Variants in FBXL17 observed in about 807,000 individuals in gnomAD.
The protein encoded by FBXL17 is F-box/LRR-repeat protein 17.
FBXL17 carries 22 observed loss-of-function variants against 66.2 expected under a neutral mutation model. The observed-to-expected ratio is 0.33, with a 90% CI of 0.24 to 0.47. FBXL17 has a LOEUF of 0.47. Among genes scored for constraint, FBXL17 ranks in the 20% least tolerant of loss-of-function variants. FBXL17 has a pLI of 1.00. For missense variants in FBXL17, 878 were observed against 948.2 expected (o/e 0.93, Z 0.97); for synonymous variants, 474 against 400.5 (o/e 1.18, Z -2.19).
At chr5:107,980,664 A>ATATATATATATATATTTTTTTTTTTTTTT in intron 7 of FBXL17, among the ~76,000 whole-genome samples, 1 of 62,106 alleles carries the variant, frequency 1.6e-5, no homozygotes, top group African/African-American at 1.0e-4. Flanking sequence ...ATATATATAT[A>ATATATATATATATATTTTTTTTTTTTTTT]TTTTTTTTTT....
chr5:108,303,000 G>A (rs1489816449), intron 4 of FBXL17, among the ~76,000 whole-genome samples: 1 of 151,698 alleles, frequency 6.6e-6, no homozygotes, highest in African/African-American at 2.4e-5. Context: ...AAGAAAACTG[G>A]ACATGAAATT....
chr5:108,061,316 C>A (rs1451898855), intron 6 of FBXL17, among the ~76,000 whole-genome samples: 1 of 151,886 alleles, frequency 6.6e-6, no homozygotes, highest in Non-Finnish European at 1.5e-5. Context: ...TTCCTTATTT[C>A]CTATTAATCT....
chr5:108,279,487 T>C (rs769924223), intron 4 of FBXL17, among the ~76,000 whole-genome samples: 21 of 151,812 alleles, frequency 1.4e-4, no homozygotes, highest in Non-Finnish European at 1.9e-4. Flanking sequence ...CAGACTTCAG[T>C]GCTGCATGCA....
chr5:108,241,398 C>T (rs1755848225), intron 4 of FBXL17, among the ~76,000 whole-genome samples: 1 of 151,624 alleles, frequency 6.6e-6, no homozygotes, highest in African/African-American at 2.4e-5. Context: ...CAGAATTGAT[C>T]AAGCAGAGAA....
intron 6 of FBXL17, among the ~76,000 whole-genome samples, chr5:108,119,174 C>T (rs1440720155): frequency 1.3e-5 from 2 of 152,114 alleles, no homozygotes; most frequent in East Asian, 3.9e-4. Context: ...ATTCCAATAG[C>T]CTCTTATTAC....
At chr5:107,922,581 G>A (rs901423776) in intron 7 of FBXL17, among the ~76,000 whole-genome samples, 2 of 152,128 alleles carry the variant, frequency 1.3e-5, no homozygotes, top group Admixed American at 6.5e-5. Flanking sequence ...TAAGATTGAC[G>A]CTGTCTTTGT....
intron 7 of FBXL17, among the ~76,000 whole-genome samples, chr5:107,894,544 C>CCGGG (rs1749310260): frequency 6.6e-6 from 1 of 152,046 alleles, no homozygotes; most frequent in Admixed American, 6.6e-5. Flanking sequence ...CTTCTTCAGG[C>CCGGG]CGGGGGTAGG....
intron 4 of FBXL17, among the ~76,000 whole-genome samples, chr5:108,286,259 C>T (rs898557992): frequency 6.6e-6 from 1 of 151,914 alleles, no homozygotes; most frequent in African/African-American, 2.4e-5. Context: ...TCTCACTACT[C>T]ATATTCAACA....
rs114612316 is a variant in FBXL17, at chr5:108,082,341, G to C, written c.1746-61340C>G. Among the ~76,000 whole-genome samples the C allele has an allele frequency of 8.5e-3, 1,294 of 152,186 alleles. 18 individuals carry two copies. Among genetic ancestry groups the C allele is most frequent in the African/African-American group, 0.029 (1,193 of 41,522 alleles). ...CCTAGCAATATGACTGTGGGTCTCT[G>C]ATTTCTTCTCTCTAGCATGGTGATA... On this transcript the variant is annotated intron_variant, in intron 6 of 8. Transcript: ENST00000542267.
At chr5:108,264,105 C>G (rs141420601) in intron 4 of FBXL17, among the ~76,000 whole-genome samples, 63 of 149,042 alleles carry the variant, frequency 4.2e-4, no homozygotes, top group Non-Finnish European at 1.5e-4. Context: ...GTCCTAGCTA[C>G]TCAGGAAGCT....
chr5:108,222,526 C>T (rs896926130), intron 5 of FBXL17, among the ~76,000 whole-genome samples: 2 of 152,078 alleles, frequency 1.3e-5, no homozygotes, highest in African/African-American at 4.8e-5. Context: ...AGGCTCTGAT[C>T]CTCACAATAA....
At chr5:107,874,993 T>C (rs1332756401) in intron 8 of FBXL17, among the ~76,000 whole-genome samples, 2 of 152,168 alleles carry the variant, frequency 1.3e-5, no homozygotes, top group Non-Finnish European at 2.9e-5. Flanking sequence ...GGGGCACATG[T>C]CATGTGGGCT....
chr5:108,086,007 CT>C (rs1255851665), intron 6 of FBXL17, among the ~76,000 whole-genome samples: 1 of 152,146 alleles, frequency 6.6e-6, no homozygotes, highest in Non-Finnish European at 1.5e-5. Flanking sequence ...CTCATATCCC[CT>C]GCCCCTTTTT....
At chr5:107,946,184 T>C (rs2112597674) in intron 7 of FBXL17, among the ~76,000 whole-genome samples, 1 of 145,880 alleles carries the variant, frequency 6.9e-6, no homozygotes, top group South Asian at 2.2e-4. Context: ...CATATGAGTG[T>C]AATTAAATTA....
chr5:108,373,285 TAATATA>T lies in FBXL17; in HGVS notation c.994-5338_994-5333del, dbSNP rs1416481366. ...AAATATAATATATATCTAAATATATTAATATAAATATAATATATATCTAAATATATT... is the reference window on the plus strand; with the variant it reads ...AAATATAATATATATCTAAATATATTAATATAATATATATCTAAATATATT... On this transcript the variant is annotated intron_variant, in intron 1 of 8. Coordinates refer to ENST00000542267, the MANE Select transcript of FBXL17 (RefSeq NM_001163315.3). 2.5e-4 allele frequency among the ~76,000 whole-genome samples: 36 copies of T among 145,082 alleles called. No homozygotes were observed. In the South Asian group the frequency reaches 7.2e-3, roughly 29 times the overall value.
At chr5:108,037,411 T>A (rs566949522) in intron 6 of FBXL17, among the ~76,000 whole-genome samples, 27 of 152,264 alleles carry the variant, frequency 1.8e-4, no homozygotes, top group African/African-American at 6.5e-4. Flanking sequence ...CAATATGGGA[T>A]TTGCTAGCGA....
chr5:107,879,492 C>T, intron 8 of FBXL17: 1 of 985,416 alleles, frequency 1.0e-6, no homozygotes, highest in Non-Finnish European at 1.2e-6. Context: ...CAAAGTAAGT[C>T]GCTTCTGGGC....
intron 6 of FBXL17, among the ~76,000 whole-genome samples, chr5:108,088,947 G>A (rs141318424): frequency 6.5e-4 from 99 of 152,226 alleles, no homozygotes; most frequent in African/African-American, 2.4e-3. Flanking sequence ...CTGCCAAAGA[G>A]TGAACTTTTG....
At chr5:107,918,381 T>G (rs908913178) in intron 7 of FBXL17, among the ~76,000 whole-genome samples, 2 of 152,204 alleles carry the variant, frequency 1.3e-5, no homozygotes, top group Non-Finnish European at 2.9e-5. Context: ...TGAGATTACA[T>G]TACTCAAATG....
Sources: allele counts gnomAD v4.1 joint callset (sites outside exome capture counted in the v4.1 genomes callset), GRCh38; gene constraint gnomAD v4.1.1; transcripts MANE v1.5; gene names NCBI Gene and HGNC (gene_info 2026-07-23, HGNC 2026-07-21).